Variants in JAKMIP1 observed in about 807,000 individuals in gnomAD.
The protein encoded by JAKMIP1 is janus kinase and microtubule interacting protein 1.
JAKMIP1 carries 33 observed loss-of-function variants against 113.0 expected under a neutral mutation model. The ratio of observed to expected loss-of-function variants is 0.29; its 90% CI spans 0.22 to 0.39. The LOEUF (loss-of-function observed/expected upper bound fraction) is 0.39, where lower values mean the gene tolerates loss of function less well. JAKMIP1 is among the 10% of genes least tolerant of loss of function. JAKMIP1 has a pLI of 1.00. For synonymous variants in JAKMIP1, 480 were observed against 459.9 expected (o/e 1.04, Z -0.56); for missense variants, 813 against 1,080.5 (o/e 0.75, Z 3.47).
intron 1 of JAKMIP1, among the ~76,000 whole-genome samples, chr4:6,166,636 T>C (rs546664350): frequency 1.3e-5 from 2 of 152,228 alleles, no homozygotes; most frequent in Non-Finnish European, 1.5e-5. Context: ...TTATCTACTA[T>C]GTCAGGCAGC....
Position 6,044,418 on chromosome 4 carries a change from G to C in JAKMIP1, c.2029-2191C>G, listed in dbSNP as rs534474958. ...CCTGCCACAGAACTCCTTCCCTAAC[G>C]CCACAGTGAGCTCGGCCCCCAGTAC... On this transcript the variant is annotated intron_variant, in intron 16 of 20. Coordinates refer to ENST00000409021, the MANE Select transcript of JAKMIP1 (RefSeq NM_001099433.2). The surrounding 1 kb of genome is among the most constrained non-coding windows in gnomAD (Gnocchi z 4.4). Among the ~76,000 whole-genome samples, 4 of 152,032 alleles carry C rather than the reference G, an allele frequency of 2.6e-5. No individual in the cohort carries two copies. The highest frequency in any genetic ancestry group is 4.4e-5 in the Non-Finnish European group (3 of 68,006).
chr4:6,182,569 T>C (rs1157539793), intron 1 of JAKMIP1, among the ~76,000 whole-genome samples: 1 of 152,180 alleles, frequency 6.6e-6, no homozygotes, highest in East Asian at 1.9e-4. Context: ...ATGAACCAAG[T>C]TGTCTGGCAC....
intron 20 of JAKMIP1, among the ~76,000 whole-genome samples, chr4:6,026,538 A>G (rs1194507828): frequency 2.0e-5 from 3 of 151,994 alleles, no homozygotes; most frequent in Non-Finnish European, 4.4e-5. Context: ...TTCAGGGGAG[A>G]TTGACACTCT....
rs1723861108 is a variant in JAKMIP1, at chr4:6,167,958, A to G, written c.-148+32295T>C. Among the ~76,000 whole-genome samples the G allele has an allele frequency of 6.6e-6, 1 of 152,192 alleles. No individual in the cohort carries two copies. Among genetic ancestry groups the G allele is most frequent in the Non-Finnish European group, 1.5e-5 (1 of 68,036 alleles). On this transcript the variant is annotated intron_variant, in intron 1 of 20. Transcript: ENST00000409021. The surrounding 1 kb of genome is among the most constrained non-coding windows in gnomAD (Gnocchi z 5.3). The stretch of plus-strand genomic sequence containing the variant: ...CTCCCAGAGCTGACAGCATGCAGAC[A>G]ATGAGGAGTCCGCCCATCCTCCACA...
intron 10 of JAKMIP1, 76 bp from the exon 11 acceptor site, chr4:6,060,583 A>G (rs907865873): frequency 2.5e-5 from 26 of 1,026,532 alleles, no homozygotes; most frequent in East Asian, 1.2e-4. Flanking sequence ...TCATGCCCCA[A>G]TGCAAGCAAT....
intron 3 of JAKMIP1, among the ~76,000 whole-genome samples, chr4:6,101,224 T>C (rs1212373900): frequency 1.3e-5 from 2 of 152,188 alleles, no homozygotes; most frequent in Non-Finnish European, 2.9e-5. Context: ...TCTTTGTGGG[T>C]AGTATGATAT....
At position 6,158,737 on chromosome 4, in the gene JAKMIP1, A is replaced by C. The variant is rs1248243941; in HGVS notation, c.-148+41516T>G. ...GGATAAAAATAGGGCAATTCGATTG[A>C]TCAATGAGGCAGAAGAGAAAGCCCA... On this transcript the variant is annotated intron_variant, in intron 1 of 20. Transcript: ENST00000409021. This position sits in a 1 kb window ranked among gnomAD's most constrained non-coding sequence, Gnocchi z 5.3. Among the ~76,000 whole-genome samples the C allele has an allele frequency of 6.6e-6, 1 of 152,096 alleles. No individual in the cohort carries two copies. The highest frequency in any genetic ancestry group is 2.4e-5 in the African/African-American group (1 of 41,412).
Position 6,081,879 on chromosome 4 carries a change from C to T in JAKMIP1, c.955-124G>A, listed in dbSNP as rs1393369116. On this transcript the variant is annotated intron_variant, in intron 5 of 20. Transcript: ENST00000409021. This position sits in a 1 kb window ranked among gnomAD's most constrained non-coding sequence, Gnocchi z 4.6. ...CTTCTGAGGCCAGTGTCCTGGATGA[C>T]ACATTTGTTTGCTAGTTGCATGACA... 1.8e-6 allele frequency: 2 copies of T among 1,082,622 alleles called. No homozygotes were observed. The highest frequency in any genetic ancestry group is 3.1e-5 in the African/African-American group (2 of 63,614). The allele number at this position is 1,082,622 out of a possible 1,614,324, so 67.1% of individuals were successfully genotyped here. A position where few individuals can be genotyped will look rare whatever the true frequency, so the allele number is the denominator to read the frequency against.
At chr4:6,120,676 G>A (rs1716587060) in intron 1 of JAKMIP1, among the ~76,000 whole-genome samples, 1 of 152,166 alleles carries the variant, frequency 6.6e-6, no homozygotes, top group South Asian at 2.1e-4. Context: ...TGCTGTTTAT[G>A]CAATCAACAA....
At chr4:6,063,529 G>A (rs1717615365) in intron 9 of JAKMIP1, among the ~76,000 whole-genome samples, 1 of 152,218 alleles carries the variant, frequency 6.6e-6, no homozygotes, top group Non-Finnish European at 1.5e-5. Flanking sequence ...CACTTGGGCT[G>A]AGGCTGGTGG....
Position 6,158,620 on chromosome 4 carries a change from C to G in JAKMIP1, c.-148+41633G>C, listed in dbSNP as rs958880952. 2.0e-5 allele frequency among the ~76,000 whole-genome samples: 3 copies of G among 152,064 alleles called. No individual in the cohort carries two copies. Among genetic ancestry groups the G allele is most frequent in the Admixed American group, 6.5e-5 (1 of 15,286 alleles). On this transcript the variant is annotated intron_variant, in intron 1 of 20. Coordinates refer to ENST00000409021, the MANE Select transcript of JAKMIP1 (RefSeq NM_001099433.2). This position sits in a 1 kb window ranked among gnomAD's most constrained non-coding sequence, Gnocchi z 5.3. ...CCCATAGGGCCATTTCTCCACCCCC[C>G]ACCCCCACCAGCCCCAGCTAGTAGT...
intron 1 of JAKMIP1, among the ~76,000 whole-genome samples, chr4:6,126,230 G>T (rs530552570): frequency 7.9e-5 from 5 of 63,262 alleles, no homozygotes; most frequent in African/African-American, 3.2e-4. Flanking sequence ...ACACACACAC[G>T]CAAACACACA....
At chr4:6,163,549 T>C (rs187901718) in intron 1 of JAKMIP1, among the ~76,000 whole-genome samples, 4 of 152,284 alleles carry the variant, frequency 2.6e-5, no homozygotes, top group Non-Finnish European at 1.5e-5. Context: ...TTAGGCCAAT[T>C]AATAACCCTA....
chr4:6,135,013 A>T lies in JAKMIP1; in HGVS notation c.-147-22016T>A, dbSNP rs192879853. On this transcript the variant is annotated intron_variant, in intron 1 of 20. Coordinates refer to ENST00000409021, the MANE Select transcript of JAKMIP1 (RefSeq NM_001099433.2). This position sits in a 1 kb window ranked among gnomAD's most constrained non-coding sequence, Gnocchi z 4.9. Reference sequence around the variant, plus strand: ...CTGGGCTCCCTGGCAGGCCCTGGACATGTAGAGATGGCAGGTGTAGGGCTC... The same window carrying T: ...CTGGGCTCCCTGGCAGGCCCTGGACTTGTAGAGATGGCAGGTGTAGGGCTC... Among the ~76,000 whole-genome samples, 5 of 152,312 alleles carry T rather than the reference A, an allele frequency of 3.3e-5. No homozygotes were observed. Among genetic ancestry groups the T allele is most frequent in the East Asian group, 1.9e-4 (1 of 5,182 alleles).
Position 6,061,731 on chromosome 4 carries a change from C to T in JAKMIP1, c.1560+581G>A, listed in dbSNP as rs915729384. On this transcript the variant is annotated intron_variant, in intron 10 of 20. Coordinates refer to ENST00000409021, the MANE Select transcript of JAKMIP1 (RefSeq NM_001099433.2). The surrounding 1 kb of genome is among the most constrained non-coding windows in gnomAD (Gnocchi z 5.3). The stretch of plus-strand genomic sequence containing the variant: ...CAGGGAAGCACCCGTGTGTGCTCTC[C>T]GGGAGTCCTCCACACTCCCAGGAGG... 6.6e-6 allele frequency among the ~76,000 whole-genome samples: 1 copy of T among 152,144 alleles called. No individual in the cohort carries two copies. The highest frequency in any genetic ancestry group is 2.1e-4 in the South Asian group (1 of 4,814).
chr4:6,182,735 A>G (rs1726186636), intron 1 of JAKMIP1, among the ~76,000 whole-genome samples: 1 of 152,256 alleles, frequency 6.6e-6, no homozygotes, highest in Non-Finnish European at 1.5e-5. Flanking sequence ...TGTGATGACA[A>G]GGAGTCTGTG....
chr4:6,189,770 G>C (rs1727040022), intron 1 of JAKMIP1, among the ~76,000 whole-genome samples: 1 of 152,134 alleles, frequency 6.6e-6, no homozygotes, highest in Non-Finnish European at 1.5e-5. Flanking sequence ...TGGGGATGGA[G>C]TTTTCTGAAG....
intron 1 of JAKMIP1, among the ~76,000 whole-genome samples, chr4:6,119,286 G>A (rs1716345084): frequency 6.6e-6 from 1 of 152,196 alleles, no homozygotes; most frequent in Non-Finnish European, 1.5e-5. Context: ...GCTCACGCCT[G>A]TAATCCCAGC....
At chr4:6,165,489 G>T (rs1188506737) in intron 1 of JAKMIP1, among the ~76,000 whole-genome samples, 1 of 152,184 alleles carries the variant, frequency 6.6e-6, no homozygotes, top group Non-Finnish European at 1.5e-5. Flanking sequence ...ATTTTTAGTA[G>T]AGACAGGGTT....
Sources: gnomAD v4.1 joint callset for allele counts (sites outside exome capture counted in the v4.1 genomes callset) on GRCh38, gnomAD v4.1.1 for gene constraint, Gnocchi (gnomAD v3.1) non-coding constraint, MANE v1.5 for transcripts, NCBI Gene and HGNC (gene_info 2026-07-23, HGNC 2026-07-21) for gene names.